Variants in PCDHGB7 observed in about 807,000 individuals in gnomAD.
PCDHGB7 encodes the protein protocadherin gamma-B7.
In PCDHGB7, 37 loss-of-function variants were observed where a neutral mutation model predicts 61.4. That is an observed-to-expected ratio of 0.60 (90% confidence interval 0.46 to 0.79). PCDHGB7 has a LOEUF of 0.79. Among genes scored for constraint, PCDHGB7 ranks in the 30% least tolerant of loss-of-function variants. PCDHGB7 has a pLI of 0.00. For synonymous variants in PCDHGB7, 464 were observed against 503.5 expected (o/e 0.92, Z 1.05); for missense variants, 1,166 against 1,202.5 (o/e 0.97, Z 0.45).
In PCDHGB7 at chr5:141,419,426, G is replaced by A. The variant is rs753089031; in HGVS notation, c.1567G>A (p.Glu523Lys). The A allele has an allele frequency of 1.2e-5, 19 of 1,613,194 alleles. No homozygotes were observed. Among genetic ancestry groups the A allele is most frequent in the Non-Finnish European group, 1.5e-5 (18 of 1,179,858 alleles). Residue 523 changes from glutamate (E) to lysine (K), a missense_variant, in exon 1 of 4, where the codon GAG becomes AAG. Transcript: ENST00000398594. ...GTTCGCGCAGCGCGCCTTCGACCAC[G>A]AGCAGCTGCGCACCTTCGAGCTCAC... ...VVFAQRAFDH[E>K]QLRTFELTLQ...
Position 141,432,502 on chromosome 5 carries a change from C to T in PCDHGB7, c.2415+12228C>T. On this transcript the variant is annotated intron_variant, in intron 1 of 3. Transcript: ENST00000398594. This position sits in a 1 kb window ranked among gnomAD's most constrained non-coding sequence, Gnocchi z 6.0. ...CTGGCGTGGAGCTGGCTCCCCGCTC[C>T]GCAGAGCCCGGCTACCTGGTGACCA... 6.2e-7 allele frequency: 1 copy of T among 1,614,142 alleles called. No individual in the cohort carries two copies. The highest frequency in any genetic ancestry group is 8.5e-7 in the Non-Finnish European group (1 of 1,180,042).
intron 2 of PCDHGB7, among the ~76,000 whole-genome samples, chr5:141,503,797 G>A (rs2099831309): frequency 6.6e-6 from 1 of 152,006 alleles, no homozygotes; most frequent in South Asian, 2.1e-4. Context: ...ATCTACTTAG[G>A]GACGGGGAAT....
chr5:141,472,308 G>A (rs897967832), intron 1 of PCDHGB7, among the ~76,000 whole-genome samples: 6 of 152,074 alleles, frequency 3.9e-5, no homozygotes, highest in South Asian at 4.1e-4. Context: ...TTGGGAAGCC[G>A]AGGCAGGCAG....
At position 141,490,171 on chromosome 5, in the gene PCDHGB7, G is replaced by A. The variant is rs374421995; in HGVS notation, c.2416-4636G>A. 4 of 1,614,100 alleles carry A rather than the reference G, an allele frequency of 2.5e-6. No individual in the cohort carries two copies. The highest frequency in any genetic ancestry group is 3.4e-6 in the Non-Finnish European group (4 of 1,180,034). On this transcript the variant is annotated intron_variant, in intron 1 of 3. Coordinates refer to ENST00000398594, the MANE Select transcript of PCDHGB7 (RefSeq NM_018927.4). The surrounding 1 kb of genome is among the most constrained non-coding windows in gnomAD (Gnocchi z 5.4). ...CCATGTGTTGGGTCCCATAGACTTT[G>A]AGGAGTCACGTTTCTATGAAATTCA...
At chr5:141,420,412 T>A in intron 1 of PCDHGB7, 138 bp downstream of exon 1, 1 of 1,225,004 alleles carries the variant, frequency 8.2e-7, no homozygotes, top group Non-Finnish European at 1.1e-6. Flanking sequence ...TGGTTATCAT[T>A]ATTAAAACAA....
chr5:141,434,440 T>C (rs1283641379), intron 1 of PCDHGB7, among the ~76,000 whole-genome samples: 2 of 152,238 alleles, frequency 1.3e-5, no homozygotes, highest in Non-Finnish European at 2.9e-5. Flanking sequence ...GTAATGCCCA[T>C]GCTGGAAGGT....
At chr5:141,501,147 G>A (rs1166199034) in intron 2 of PCDHGB7, among the ~76,000 whole-genome samples, 1 of 152,142 alleles carries the variant, frequency 6.6e-6, no homozygotes, top group Non-Finnish European at 1.5e-5. Context: ...GATTACAGGT[G>A]GGAGCCACCA....
At chr5:141,464,278 G>GAAAA (rs2099080310) in intron 1 of PCDHGB7, among the ~76,000 whole-genome samples, 1 of 121,594 alleles carries the variant, frequency 8.2e-6, no homozygotes. Context: ...AAAAAAAAAA[G>GAAAA]CAAAAAAAAA....
At chr5:141,430,633 C>T in intron 1 of PCDHGB7, 1 of 868,018 alleles carries the variant, frequency 1.2e-6, no homozygotes, top group Non-Finnish European at 1.7e-6. Context: ...ATGAACCATC[C>T]CTGGGAGTAT....
intron 1 of PCDHGB7, among the ~76,000 whole-genome samples, chr5:141,424,944 A>G (rs958272371): frequency 2.6e-5 from 4 of 152,108 alleles, no homozygotes; most frequent in African/African-American, 9.7e-5. Context: ...CTCTCACATC[A>G]CTTCTAGGTA....
Position 141,418,599 on chromosome 5 carries a change from A to G in PCDHGB7, c.740A>G (p.Tyr247Cys). Residue 247 changes from tyrosine to cysteine, a missense_variant, in exon 1 of 4, where the codon TAC (tyrosine) becomes TGC (cysteine). Tyr to Cys is a radical substitution (Grantham distance 194). Coordinates refer to ENST00000398594, the MANE Select transcript of PCDHGB7 (RefSeq NM_018927.4). ...CCCCCAGTGTTCAGCCAGGACGTGT[A>G]CAGGGTTAGCCTTCGGGAAGACGTG... ...DNPPVFSQDV[Y>C]RVSLREDVPP... is the part of the protein sequence containing the mutation. The G allele has an allele frequency of 6.2e-7, 1 of 1,614,054 alleles. No homozygotes were observed. The highest frequency in any genetic ancestry group is 1.1e-5 in the South Asian group (1 of 91,088).
rs144018757 is a variant in PCDHGB7, at chr5:141,443,001, A to G, written c.2415+22727A>G. On this transcript the variant is annotated intron_variant, in intron 1 of 3. Transcript: ENST00000398594. ...GTTAGCCTATAATTTCAGTAAATCTAAGAATATGACTAATGGAAGTTGCCA... is the reference window on the plus strand; with the variant it reads ...GTTAGCCTATAATTTCAGTAAATCTGAGAATATGACTAATGGAAGTTGCCA... Among the ~76,000 whole-genome samples the G allele has an allele frequency of 1.3e-3, 194 of 152,312 alleles. 1 individual carries two copies. The East Asian group carries it at 0.032, about 25-fold the overall frequency.
At chr5:141,458,730 C>T (rs1239174331) in intron 1 of PCDHGB7, among the ~76,000 whole-genome samples, 1 of 151,928 alleles carries the variant, frequency 6.6e-6, no homozygotes, top group Non-Finnish European at 1.5e-5. Flanking sequence ...CCACCACATC[C>T]AGCTATTGGT....
intron 1 of PCDHGB7, chr5:141,427,468 C>T: frequency 2.0e-6 from 1 of 509,312 alleles, no homozygotes; most frequent in Middle Eastern, 3.0e-4. Flanking sequence ...ATCGAATCTT[C>T]CGCCAATAAT....
chr5:141,432,481 C>G lies in PCDHGB7; in HGVS notation c.2415+12207C>G. 6.2e-7 allele frequency: 1 copy of G among 1,614,198 alleles called. No homozygotes were observed. On this transcript the variant is annotated intron_variant, in intron 1 of 3. Coordinates refer to ENST00000398594, the MANE Select transcript of PCDHGB7 (RefSeq NM_018927.4). This position sits in a 1 kb window ranked among gnomAD's most constrained non-coding sequence, Gnocchi z 6.0. ...CCCTCCCCACGGACGGTTCCACTGG[C>G]GTGGAGCTGGCTCCCCGCTCCGCAG...
chr5:141,459,574 T>G (rs1163443021), intron 1 of PCDHGB7, among the ~76,000 whole-genome samples: 6 of 152,226 alleles, frequency 3.9e-5, no homozygotes, highest in African/African-American at 1.4e-4. Flanking sequence ...AAAACAGAAT[T>G]GTTTTGGGGG....
Position 141,486,390 on chromosome 5 carries a change from C to G in PCDHGB7, c.2416-8417C>G. 6.2e-7 allele frequency: 1 copy of G among 1,614,138 alleles called. No individual in the cohort carries two copies. The highest frequency in any genetic ancestry group is 8.5e-7 in the Non-Finnish European group (1 of 1,179,996). Reference sequence around the variant, plus strand: ...AAGTCTGCCTTCAGGAACCAGTTCTCCCTGGTGACTGCTGGACCCTTGGAT... The same window carrying G: ...AAGTCTGCCTTCAGGAACCAGTTCTGCCTGGTGACTGCTGGACCCTTGGAT... On this transcript the variant is annotated intron_variant, in intron 1 of 3. Coordinates refer to ENST00000398594, the MANE Select transcript of PCDHGB7 (RefSeq NM_018927.4). This position sits in a 1 kb window ranked among gnomAD's most constrained non-coding sequence, Gnocchi z 5.0.
intron 1 of PCDHGB7, among the ~76,000 whole-genome samples, chr5:141,450,503 T>G (rs1196541899): frequency 3.3e-5 from 5 of 152,258 alleles, no homozygotes; most frequent in Admixed American, 6.5e-5. Context: ...TTGTTTGTTT[T>G]GAGATGGAGT....
At chr5:141,471,073 G>A (rs2099249169) in intron 1 of PCDHGB7, among the ~76,000 whole-genome samples, 2 of 143,298 alleles carry the variant, frequency 1.4e-5, no homozygotes, top group Non-Finnish European at 3.0e-5. Flanking sequence ...TTTTGAGACA[G>A]GGTCTCCCTC....
Sources: allele counts gnomAD v4.1 joint callset (sites outside exome capture counted in the v4.1 genomes callset), GRCh38; gene constraint gnomAD v4.1.1; non-coding constraint Gnocchi (gnomAD v3.1); transcripts MANE v1.5; gene names NCBI Gene and HGNC (gene_info 2026-07-23, HGNC 2026-07-21).